PTPRD: variants seen among roughly 807,000 people sequenced by gnomAD.
PTPRD encodes receptor-type tyrosine-protein phosphatase delta.
A neutral mutation model predicts 214.5 loss-of-function variants in PTPRD; 34 were observed. The ratio of observed to expected loss-of-function variants is 0.16; its 90% CI spans 0.12 to 0.21. The LOEUF is 0.21. PTPRD is among the 10% of genes least tolerant of loss of function. The pLI is 1.00. For missense variants in PTPRD, 2,545 were observed against 2,398.7 expected (o/e 1.06, Z -1.27); for synonymous variants, 1,128 against 845.7 (o/e 1.33, Z -5.79).
At chr9:9,129,153 G>T (rs1160469749) in intron 10 of PTPRD, among the ~76,000 whole-genome samples, 7 of 152,198 alleles carry the variant, frequency 4.6e-5, no homozygotes, top group Non-Finnish European at 1.0e-4. Flanking sequence ...ACTTTGGGAG[G>T]CCGAGGCGGG....
rs371096423 is a variant in PTPRD at position 9,739,670 on chromosome 9, G to A, written c.-325-5099C>T. On this transcript the variant is annotated intron_variant, in intron 6 of 45. Coordinates refer to ENST00000381196, the MANE Select transcript of PTPRD (RefSeq NM_002839.4). Reference sequence around the variant, plus strand: ...TGTGGTTTTGTTGATCCCCTCTGTTGTATGCAGTACAATATATGATATAAT... The same window carrying A: ...TGTGGTTTTGTTGATCCCCTCTGTTATATGCAGTACAATATATGATATAAT... 1.2e-3 allele frequency among the ~76,000 whole-genome samples: 187 copies of A among 150,518 alleles called. 1 individual carries two copies. The highest frequency in any genetic ancestry group is 4.2e-3 in the African/African-American group (172 of 41,246).
chr9:9,539,883 C>T (rs2077236721), intron 8 of PTPRD, among the ~76,000 whole-genome samples: 1 of 151,786 alleles, frequency 6.6e-6, no homozygotes, highest in Non-Finnish European at 1.5e-5. Flanking sequence ...CAATGGTTTT[C>T]AGCCCTTTTC....
At chr9:9,459,112 A>G (rs537159604) in intron 8 of PTPRD, among the ~76,000 whole-genome samples, 1 of 152,150 alleles carries the variant, frequency 6.6e-6, no homozygotes, top group South Asian at 2.1e-4. Flanking sequence ...GATGCCTGAG[A>G]AACTCAAAGC....
At chr9:8,445,122 A>G (rs2095674456) in intron 34 of PTPRD, among the ~76,000 whole-genome samples, 2 of 152,184 alleles carry the variant, frequency 1.3e-5, no homozygotes, top group South Asian at 2.1e-4. Context: ...GTTAGAATTA[A>G]TAAGTCAAAT....
chr9:8,662,311 C>T lies in PTPRD; in HGVS notation c.65-25467G>A, dbSNP rs538283083. On this transcript the variant is annotated intron_variant, in intron 12 of 45. Transcript: ENST00000381196. ...GGTCACTGCTATGTTGGAAAACAAA[C>T]AAACAAACAAACAAACAAACAAAGG... Among the ~76,000 whole-genome samples, 4 of 152,010 alleles carry T rather than the reference C, an allele frequency of 2.6e-5. No homozygotes were observed. In the East Asian group the frequency reaches 7.8e-4, roughly 29 times the overall value.
chr9:9,464,464 C>T (rs1205230294), intron 8 of PTPRD, among the ~76,000 whole-genome samples: 1 of 152,110 alleles, frequency 6.6e-6, no homozygotes, highest in Non-Finnish European at 1.5e-5. Context: ...TAACTCTTGC[C>T]TAATTTTCAT....
chr9:10,458,870 ATCATT>A (rs2098937245), intron 2 of PTPRD, among the ~76,000 whole-genome samples: 1 of 152,176 alleles, frequency 6.6e-6, no homozygotes, highest in Non-Finnish European at 1.5e-5. Flanking sequence ...AAAACATCAT[ATCATT>A]TCTTTTATTT....
intron 11 of PTPRD, among the ~76,000 whole-genome samples, chr9:8,909,126 G>C (rs946883396): frequency 2.0e-5 from 3 of 151,838 alleles, no homozygotes; most frequent in African/African-American, 4.8e-5. Flanking sequence ...AATAAATTCA[G>C]CTGGGAATTA....
chr9:8,457,110 A>G (rs928028166), intron 33 of PTPRD, among the ~76,000 whole-genome samples: 1 of 152,136 alleles, frequency 6.6e-6, no homozygotes, highest in Non-Finnish European at 1.5e-5. Context: ...TAATGTTTTC[A>G]GATTATAGCG....
chr9:8,404,195 C>T (rs1466236370), intron 36 of PTPRD, among the ~76,000 whole-genome samples: 1 of 152,148 alleles, frequency 6.6e-6, no homozygotes, highest in African/African-American at 2.4e-5. Flanking sequence ...GTGACACGAT[C>T]TCGGCTCACT....
intron 39 of PTPRD, among the ~76,000 whole-genome samples, chr9:8,352,217 G>C (rs2075703042): frequency 6.6e-6 from 1 of 151,962 alleles, no homozygotes; most frequent in Admixed American, 6.6e-5. Flanking sequence ...TGATAAATTA[G>C]AAGGCTAATG....
intron 3 of PTPRD, among the ~76,000 whole-genome samples, chr9:10,151,033 G>A (rs1468624558): frequency 6.8e-6 from 1 of 147,482 alleles, no homozygotes; most frequent in Non-Finnish European, 1.5e-5. Context: ...GTGTATGAGT[G>A]TATACTTTCT....
intron 3 of PTPRD, among the ~76,000 whole-genome samples, chr9:10,060,897 C>CTTCT (rs369686972): frequency 0.023 from 1,587 of 70,514 alleles, 47 homozygotes; most frequent in South Asian, 0.028. Context: ...TCCTTCCTTC[C>CTTCT]TTCTTTCTTT....
chr9:8,992,448 C>A lies in PTPRD; in HGVS notation c.-104+26249G>T, dbSNP rs1458053921. ...TTGAAGTACTCTAATTGGGACTATT[C>A]CCAGCAGGATGGTTGCTCAGAGGCT... On this transcript the variant is annotated intron_variant, in intron 11 of 45. Coordinates refer to ENST00000381196, the MANE Select transcript of PTPRD (RefSeq NM_002839.4). Among the ~76,000 whole-genome samples, 3 of 152,204 alleles carry A rather than the reference C, an allele frequency of 2.0e-5. No homozygotes were observed. The East Asian group carries it at 5.8e-4, about 29-fold the overall frequency.
chr9:9,999,141 T>C (rs1469260836), intron 4 of PTPRD, among the ~76,000 whole-genome samples: 4 of 152,308 alleles, frequency 2.6e-5, no homozygotes, highest in Admixed American at 2.6e-4. Context: ...AGATCTGGTA[T>C]TAGTGAAAAC....
In PTPRD at chr9:9,833,685, G is replaced by A. The variant is rs928851412; in HGVS notation, c.-367-66834C>T. 6.3e-3 allele frequency among the ~76,000 whole-genome samples: 921 copies of A among 146,328 alleles called. 21 individuals carry two copies. The highest frequency in any genetic ancestry group is 0.023 in the African/African-American group (869 of 37,808). On this transcript the variant is annotated intron_variant, in intron 5 of 45. Transcript: ENST00000381196. Reference sequence around the variant, plus strand: ...TAAGAGACAGGTACGCTCCGGAGAGGGGGGCAGTTCAGAGACCTACCCCTA... The same window carrying A: ...TAAGAGACAGGTACGCTCCGGAGAGAGGGGCAGTTCAGAGACCTACCCCTA...
At chr9:8,738,945 G>A (rs1022030771) in intron 11 of PTPRD, among the ~76,000 whole-genome samples, 3 of 152,146 alleles carry the variant, frequency 2.0e-5, no homozygotes, top group African/African-American at 7.2e-5. Flanking sequence ...TATGCATTAA[G>A]TTGGGGGATG....
intron 5 of PTPRD, among the ~76,000 whole-genome samples, chr9:9,842,059 G>A (rs2058456779): frequency 6.6e-6 from 1 of 151,798 alleles, no homozygotes; most frequent in Non-Finnish European, 1.5e-5. Context: ...TTTTTCTGCT[G>A]AAATAGCTAA....
intron 3 of PTPRD, among the ~76,000 whole-genome samples, chr9:10,129,178 G>C (rs1563997640): frequency 6.6e-6 from 1 of 152,096 alleles, no homozygotes; most frequent in Non-Finnish European, 1.5e-5. Context: ...CTGCTATTTG[G>C]TGATATTCAT....
Sources: gnomAD v4.1 joint callset for allele counts (sites outside exome capture counted in the v4.1 genomes callset) on GRCh38, gnomAD v4.1.1 for gene constraint, MANE v1.5 for transcripts, NCBI Gene and HGNC (gene_info 2026-07-23, HGNC 2026-07-21) for gene names.